The following EP400 variants were observed in gnomAD, a reference collection of about 807,000 sequenced individuals.
EP400 encodes E1A binding protein p400, also known as E1A-binding protein p400.
In EP400, 105 loss-of-function variants were observed where a neutral mutation model predicts 354.1. The observed-to-expected ratio is 0.30, with a 90% CI of 0.25 to 0.35. EP400 has a LOEUF of 0.35. Among genes scored for constraint, EP400 ranks in the 10% least tolerant of loss-of-function variants. The pLI, the probability that EP400 is intolerant of heterozygous loss-of-function variation, is 1.00. For missense variants in EP400, 3,280 were observed against 4,121.0 expected, an observed-to-expected ratio of 0.80 and a Z score of 5.59; for synonymous variants, 1,646 against 1,716.9, an observed-to-expected ratio of 0.96 and a Z score of 1.02.
intron 30 of EP400, among the ~76,000 whole-genome samples, chr12:132,035,088 G>A (rs538564266): frequency 1.3e-5 from 2 of 152,158 alleles, no homozygotes; most frequent in South Asian, 4.1e-4. Context: ...AATAGGAAGG[G>A]CCTGTGAATA....
intron 2 of EP400, among the ~76,000 whole-genome samples, chr12:131,972,007 G>A (rs1892301144): frequency 6.6e-6 from 1 of 152,118 alleles, no homozygotes; most frequent in African/African-American, 2.4e-5. Flanking sequence ...ACGGAAAGAG[G>A]AAAACCAAGG....
At chr12:132,046,092 G>T (rs1408345238) in intron 39 of EP400, among the ~76,000 whole-genome samples, 192 bp downstream of exon 39, 3 of 152,228 alleles carry the variant, frequency 2.0e-5, no homozygotes, top group Non-Finnish European at 4.4e-5. Context: ...CTCGCCTATG[G>T]CATGAGCAGT....
chr12:131,950,590 G>C (rs1467441749), intron 1 of EP400, among the ~76,000 whole-genome samples: 1 of 152,016 alleles, frequency 6.6e-6, no homozygotes, highest in Non-Finnish European at 1.5e-5. Flanking sequence ...AGTGAGGTCC[G>C]AATCCGCTCC....
intron 32 of EP400, among the ~76,000 whole-genome samples, chr12:132,040,371 A>G (rs1423851842): frequency 6.6e-6 from 1 of 152,052 alleles, no homozygotes; most frequent in African/African-American, 2.4e-5. Context: ...CTGGGTGTAT[A>G]TCCAAAGAGT....
rs200604757 is a variant in EP400 at position 132,045,403 on chromosome 12, T to C, written c.6869T>C (p.Leu2290Pro). The C allele has an allele frequency of 3.1e-6, 5 of 1,614,268 alleles. No homozygotes were observed. In the East Asian group the frequency reaches 8.9e-5, roughly 29 times the overall value. Residue 2290 changes from leucine to proline, a missense_variant, in exon 38 of 53, where the codon CTG becomes CCG. Leu to Pro is a moderately conservative substitution (Grantham distance 98). Around this residue, in one of 20 missense-constraint regions of EP400, gnomAD observed 231 missense variants for 257.9 expected, o/e 0.90. Coordinates refer to ENST00000389561, the MANE Select transcript of EP400 (RefSeq NM_015409.5). ...SLFDRATPGL[L>P]KIRREGKEQK... ...TTTGACCGCGCAACACCAGGACTTCTGAAAATTCGCAGAGAGGGCAAGGAG... is the reference window on the plus strand; with the variant it reads ...TTTGACCGCGCAACACCAGGACTTCCGAAAATTCGCAGAGAGGGCAAGGAG...
chr12:131,986,316 G>T (rs1351316016), intron 5 of EP400, among the ~76,000 whole-genome samples, 198 bp from the exon 6 acceptor site: 1 of 152,230 alleles, frequency 6.6e-6, no homozygotes, highest in Non-Finnish European at 1.5e-5. Flanking sequence ...ATTTGGTTTT[G>T]TGGAAGTGGG....
Position 132,061,545 on chromosome 12 carries a change from C to T in EP400, c.7885-565C>T, listed in dbSNP as rs567421098. On this transcript the variant is annotated intron_variant, in intron 45 of 52. Transcript: ENST00000389561. Reference sequence around the variant, plus strand: ...CAGTTTATGGTGGGACAAGGAAGGACGGTGAGGCAAGGTGGGATAGGGTGA... The same window carrying T: ...CAGTTTATGGTGGGACAAGGAAGGATGGTGAGGCAAGGTGGGATAGGGTGA... Among the ~76,000 whole-genome samples the T allele has an allele frequency of 3.3e-5, 5 of 152,288 alleles. No homozygotes were observed. In the East Asian group the frequency reaches 5.8e-4, roughly 18 times the overall value.
intron 47 of EP400, among the ~76,000 whole-genome samples, chr12:132,062,955 C>T (rs748363439): frequency 4.6e-5 from 7 of 152,214 alleles, no homozygotes; most frequent in Admixed American, 3.9e-4. Flanking sequence ...CGTGCAAATG[C>T]GTCTTCTTGC....
At chr12:131,960,511 T>A in intron 1 of EP400, 74 bp from the exon 2 acceptor site, 1 of 1,369,606 alleles carries the variant, frequency 7.3e-7, no homozygotes, top group South Asian at 1.5e-5. Context: ...CAAAGTGTCT[T>A]TTCAGTGCTG....
intron 12 of EP400, among the ~76,000 whole-genome samples, chr12:132,001,314 G>A (rs1811885804): frequency 6.6e-6 from 1 of 152,208 alleles, no homozygotes; most frequent in Admixed American, 6.5e-5. Flanking sequence ...GTGTCCACTG[G>A]ACAGGGGGCC....
chr12:131,963,226 C>T (rs896008190), intron 2 of EP400, among the ~76,000 whole-genome samples: 2 of 152,184 alleles, frequency 1.3e-5, no homozygotes, highest in Non-Finnish European at 2.9e-5. Context: ...CTGCAAATTT[C>T]CTAGGGAGTT....
At chr12:131,950,273 C>G (rs1213790844) in intron 1 of EP400, among the ~76,000 whole-genome samples, 1 of 152,100 alleles carries the variant, frequency 6.6e-6, no homozygotes. Context: ...CCGCAGGTCG[C>G]GCGATCCGCG....
At position 132,075,188 on chromosome 12, in the gene EP400, G is replaced by C. The variant is rs1171774501; in HGVS notation, c.9022-1328G>C. 6.6e-6 allele frequency among the ~76,000 whole-genome samples: 1 copy of C among 152,112 alleles called. No homozygotes were observed. Among genetic ancestry groups the C allele is most frequent in the Non-Finnish European group, 1.5e-5 (1 of 68,018 alleles). ...TTTGTGGGTACAGTGTCTCCCTCCA[G>C]GATGGCAGCTGGCAGTAGCACGGGG... is the stretch of plus-strand genomic sequence containing the variant. On this transcript the variant is annotated intron_variant, in intron 51 of 52. Coordinates refer to ENST00000389561, the MANE Select transcript of EP400 (RefSeq NM_015409.5). The surrounding 1 kb of genome is among the most constrained non-coding windows in gnomAD (Gnocchi z 4.5).
chr12:132,053,269 CTG>C lies in EP400; in HGVS notation c.7473+48_7473+49del, dbSNP rs564570718. On this transcript the variant is annotated intron_variant, in intron 42 of 52. Transcript: ENST00000389561. ...CTGCTTGAGTGGGAAAATGTGGTGA[CTG>C]TGACTTCATCCAGGGGGTATGCAGG... 257 of 1,611,112 alleles carry C rather than the reference CTG, an allele frequency of 1.6e-4. No individual in the cohort carries two copies. In the African/African-American group the frequency reaches 2.8e-3, roughly 18 times the overall value.
rs746218295 is a variant in EP400 at position 132,064,882 on chromosome 12, G to A, written c.8549G>A (p.Arg2850Gln). ...ACCGTGGCCAACCTCCAGGTGGCCC[G>A]GCTCGTAAGTGTCAGTTTCTGTTTG... ...GTTVANLQVA[R>Q]LTRVPTSQLQ... Residue 2850 changes from arginine (R) to glutamine (Q), a missense_variant, in exon 48 of 53, where the codon CGG becomes CAG. By Grantham distance (43) the Arg-to-Gln change is conservative (BLOSUM62 1). Around this residue, in one of 20 missense-constraint regions of EP400, gnomAD observed 279 missense variants for 386.7 expected, o/e 0.72. Coordinates refer to ENST00000389561, the MANE Select transcript of EP400 (RefSeq NM_015409.5). The A allele has an allele frequency of 1.2e-5, 20 of 1,604,674 alleles. No individual in the cohort carries two copies. The highest frequency in any genetic ancestry group is 2.2e-5 in the East Asian group (1 of 44,668).
intron 29 of EP400, chr12:132,031,506 T>C (rs937140564): frequency 9.8e-6 from 4 of 408,178 alleles, no homozygotes; most frequent in Non-Finnish European, 1.9e-5. Context: ...ACCTTGGTGT[T>C]GCTTTAACAT....
chr12:132,052,795 G>A lies in EP400; in HGVS notation c.7395-351G>A, dbSNP rs774986951. 2.6e-5 allele frequency among the ~76,000 whole-genome samples: 4 copies of A among 152,190 alleles called. No individual in the cohort carries two copies. The highest frequency in any genetic ancestry group is 1.9e-4 in the East Asian group (1 of 5,188). On this transcript the variant is annotated intron_variant, in intron 41 of 52. Coordinates refer to ENST00000389561, the MANE Select transcript of EP400 (RefSeq NM_015409.5). This position sits in a 1 kb window ranked among gnomAD's most constrained non-coding sequence, Gnocchi z 4.4. ...CCTTTACCTCCCTGGAGAGGAACTC[G>A]AGGGCATCCTCACAGAAGGAACAGA... is the stretch of plus-strand genomic sequence containing the variant.
intron 30 of EP400, among the ~76,000 whole-genome samples, chr12:132,032,953 T>A (rs929828789): frequency 6.6e-6 from 1 of 150,408 alleles, no homozygotes; most frequent in African/African-American, 2.5e-5. Context: ...TGTTTTTGTT[T>A]GTTTGTTTTT....
chr12:132,004,530 A>T (rs1480507822), intron 12 of EP400, among the ~76,000 whole-genome samples: 2 of 151,958 alleles, frequency 1.3e-5, no homozygotes, highest in Non-Finnish European at 2.9e-5. Context: ...TTCATCAGTT[A>T]TTTCCTATCA....
Sources: allele counts gnomAD v4.1 joint callset (sites outside exome capture counted in the v4.1 genomes callset), GRCh38; gene constraint gnomAD v4.1.1; regional missense constraint gnomAD v4.1.1; non-coding constraint Gnocchi (gnomAD v3.1); transcripts MANE v1.5; gene names NCBI Gene and HGNC (gene_info 2026-07-23, HGNC 2026-07-21).